SRPK2: variants seen among roughly 807,000 people sequenced by gnomAD.
SRPK2 encodes SFRS protein kinase 2.
A neutral mutation model predicts 90.8 loss-of-function variants in SRPK2; 21 were observed. The ratio of observed to expected loss-of-function variants is 0.23; its 90% CI spans 0.16 to 0.33. The LOEUF is 0.33. Ranked by LOEUF, SRPK2 falls within the 10% of genes least tolerant of loss-of-function variation. The pLI is 1.00. For missense variants in SRPK2, 620 were observed against 869.0 expected (o/e 0.71, Z 3.60); for synonymous variants, 288 against 311.1 (o/e 0.93, Z 0.78).
At position 105,165,464 on chromosome 7, in the gene SRPK2, TCA is replaced by T. The variant is rs145417999; in HGVS notation, c.514+1911_514+1912del. On this transcript the variant is annotated intron_variant, in intron 6 of 15. Coordinates refer to ENST00000393651, the MANE Select transcript of SRPK2 (RefSeq NM_182692.3). Reference sequence around the variant, plus strand: ...AGCTAGAGGACTGTAAATGCACCAATCAGTGCTCTGTGTCTATCTAAAGATTG... The same window carrying T: ...AGCTAGAGGACTGTAAATGCACCAATGTGCTCTGTGTCTATCTAAAGATTG... 3.1e-3 allele frequency among the ~76,000 whole-genome samples: 467 copies of T among 152,248 alleles called. 14 individuals are homozygous for T. In the East Asian group the frequency reaches 0.062, roughly 20 times the overall value.
chr7:105,335,260 T>G (rs1420844799), intron 2 of SRPK2, among the ~76,000 whole-genome samples: 1 of 152,194 alleles, frequency 6.6e-6, no homozygotes, highest in Non-Finnish European at 1.5e-5. Flanking sequence ...CCATGACTGA[T>G]TATTTATAGC....
chr7:105,359,438 A>G (rs191198503), intron 2 of SRPK2, among the ~76,000 whole-genome samples: 9 of 152,192 alleles, frequency 5.9e-5, no homozygotes, highest in African/African-American at 1.9e-4. Flanking sequence ...GATTACAGGC[A>G]TGAGCCACTG....
intron 2 of SRPK2, among the ~76,000 whole-genome samples, chr7:105,273,130 G>C (rs1355798412): frequency 1.3e-5 from 2 of 151,880 alleles, no homozygotes; most frequent in Admixed American, 6.6e-5. Flanking sequence ...CAGGAGAATG[G>C]CATGAACCCG....
At chr7:105,127,976 C>T (rs567651028) in intron 13 of SRPK2, among the ~76,000 whole-genome samples, 26 of 152,304 alleles carry the variant, frequency 1.7e-4, no homozygotes, top group Admixed American at 2.6e-4. Context: ...CCCATTCCCG[C>T]CCCAAGGAGC....
chr7:105,396,066 C>G (rs374190477), intron 1 of SRPK2, among the ~76,000 whole-genome samples: 23 of 152,122 alleles, frequency 1.5e-4, no homozygotes, highest in African/African-American at 5.3e-4. Context: ...CAGGCATGCG[C>G]CACCACACCT....
At position 105,388,894 on chromosome 7, in the gene SRPK2, C is replaced by G. The variant is rs2132865349; in HGVS notation, c.-88G>C. 2 of 1,239,562 alleles carry G rather than the reference C, an allele frequency of 1.6e-6. No homozygotes were observed. Among genetic ancestry groups the G allele is most frequent in the African/African-American group, 1.6e-5 (1 of 63,410 alleles). 76.8% of individuals were successfully genotyped at this position (1,239,562 alleles called of 1,614,324 possible). ...GGGCTGCAGCCTCCACTCGCTCCGC[C>G]GGCCGGGAGGAGACGAGAACCGCGC... is the stretch of plus-strand genomic sequence containing the variant. On this transcript the variant is annotated 5_prime_UTR_variant, in exon 1 of 16. Transcript: ENST00000393651.
intron 7 of SRPK2, among the ~76,000 whole-genome samples, chr7:105,156,381 T>C (rs191723805): frequency 5.4e-4 from 82 of 152,352 alleles, no homozygotes; most frequent in African/African-American, 1.9e-3. Context: ...AACTCAACTA[T>C]GCAAAGTACT....
chr7:105,156,011 C>A (rs62488063), intron 7 of SRPK2, among the ~76,000 whole-genome samples: 2 of 152,062 alleles, frequency 1.3e-5, no homozygotes, highest in Non-Finnish European at 2.9e-5. Flanking sequence ...AAATAGGGTA[C>A]CTGAGGGACA....
chr7:105,256,341 GTA>G (rs1803306253), intron 2 of SRPK2, among the ~76,000 whole-genome samples: 1 of 152,106 alleles, frequency 6.6e-6, no homozygotes, highest in African/African-American at 2.4e-5. Context: ...GCACCATTAT[GTA>G]TGTATGTACG....
rs1289096349 is a variant in SRPK2 at position 105,116,771 on chromosome 7, A to T, written c.*1067T>A. The T allele has an allele frequency of 6.6e-6, 1 of 152,458 alleles. No homozygotes were observed. Among genetic ancestry groups the T allele is most frequent in the Non-Finnish European group, 1.5e-5 (1 of 68,024 alleles). The allele number at this position is 152,458 out of a possible 1,614,324, so 9.4% of individuals were successfully genotyped here. On this transcript the variant is annotated 3_prime_UTR_variant, in exon 16 of 16. Transcript: ENST00000393651. ...TGAAAAAGCTAGTAAAATTTGTTGT[A>T]GCCACACGTAAAGCTACCTATGGAA...
At chr7:105,334,664 C>T (rs567806049) in intron 2 of SRPK2, among the ~76,000 whole-genome samples, 40 of 151,702 alleles carry the variant, frequency 2.6e-4, no homozygotes, top group African/African-American at 8.7e-4. Flanking sequence ...ATGGTGAAAC[C>T]CAGTCTCTAC....
chr7:105,392,659 G>A (rs561214698), upstream of SRPK2, among the ~76,000 whole-genome samples: 3 of 143,370 alleles, frequency 2.1e-5, no homozygotes, highest in South Asian at 2.3e-4. Flanking sequence ...GACTACAGAC[G>A]CACACCATTT....
chr7:105,173,108 CAA>C (rs1791364645), intron 3 of SRPK2, among the ~76,000 whole-genome samples: 1 of 151,244 alleles, frequency 6.6e-6, no homozygotes, highest in African/African-American at 2.5e-5. Flanking sequence ...GCAAATTACA[CAA>C]GAGGGGCATT....
Position 105,126,997 on chromosome 7 carries a change from G to A in SRPK2, c.1818C>T (p.Asp606=), listed in dbSNP as rs781753675. The A allele has an allele frequency of 9.3e-6, 15 of 1,614,136 alleles. No individual in the cohort carries two copies. Among genetic ancestry groups the A allele is most frequent in the South Asian group, 3.3e-5 (3 of 91,078 alleles). ...EPHSGEDYSR[D]EDHIAHIIEL... ...TCAGCAGGCACCAATACTCACCTTC[G>A]TCTCTGGAATAGTCTTCCCCAGAAT... The change falls in exon 14 of 16, where the codon GAC becomes GAT. Residue 606 remains aspartate (D), a synonymous_variant. Transcript: ENST00000393651.
At position 105,125,715 on chromosome 7, in the gene SRPK2, C is replaced by T. The variant is rs544225732; in HGVS notation, c.1915+533G>A. 28 of 667,096 alleles carry T rather than the reference C, an allele frequency of 4.2e-5. No homozygotes were observed. In the East Asian group the frequency reaches 7.8e-4, roughly 19 times the overall value. 41.3% of individuals were successfully genotyped at this position (667,096 alleles called of 1,614,324 possible). A position where few individuals can be genotyped will look rare whatever the true frequency, so the allele number is the denominator to read the frequency against. On this transcript the variant is annotated intron_variant, in intron 15 of 15. Transcript: ENST00000393651. ...CAGATCTTTCTCCACTGCCCAATCA[C>T]GAATGCACAATTTCTCCTTTTGGGA... is the stretch of plus-strand genomic sequence containing the variant.
At chr7:105,208,637 G>A (rs1796491519) in intron 2 of SRPK2, among the ~76,000 whole-genome samples, 1 of 152,036 alleles carries the variant, frequency 6.6e-6, no homozygotes, top group Admixed American at 6.6e-5. Flanking sequence ...GGGGGTTGGG[G>A]AAATGGAGAA....
At chr7:105,391,235 C>T (rs1467181944), upstream of SRPK2, among the ~76,000 whole-genome samples, 1 of 147,136 alleles carries the variant, frequency 6.8e-6, no homozygotes, top group Non-Finnish European at 1.5e-5. Flanking sequence ...GATGGAATTT[C>T]GCTCTTGTTG....
intron 3 of SRPK2, among the ~76,000 whole-genome samples, chr7:105,181,889 A>AAC (rs2129598686): frequency 6.8e-6 from 1 of 147,520 alleles, no homozygotes; most frequent in African/African-American, 2.4e-5. Context: ...AGTAAAAAAA[A>AAC]AAAAAAACAG....
chr7:105,228,278 G>C (rs1188636872), intron 2 of SRPK2, among the ~76,000 whole-genome samples: 1 of 152,212 alleles, frequency 6.6e-6, no homozygotes, highest in Non-Finnish European at 1.5e-5. Flanking sequence ...CACTAGAATA[G>C]TACAGTGGCT....
Sources: gnomAD v4.1 joint callset for allele counts (sites outside exome capture counted in the v4.1 genomes callset) on GRCh38, gnomAD v4.1.1 for gene constraint, MANE v1.5 for transcripts, NCBI Gene and HGNC (gene_info 2026-07-23, HGNC 2026-07-21) for gene names.